EPHA3: variants seen among roughly 807,000 people sequenced by gnomAD.
EPHA3 encodes ephrin type-A receptor 3.
Under a neutral mutation model 107.1 loss-of-function variants are expected in EPHA3, and 42 were observed. That is an observed-to-expected ratio of 0.39 (90% CI 0.31 to 0.51). The LOEUF (loss-of-function observed/expected upper bound fraction) is 0.51, where lower values mean the gene tolerates loss of function less well. EPHA3 is among the 20% of genes least tolerant of loss of function. The probability of loss-of-function intolerance (pLI) is 0.78; values close to 1 mark genes in which losing one functional copy is unlikely to be tolerated. For missense variants in EPHA3, 1,183 were observed against 1,211.2 expected (o/e 0.98, Z 0.35); for synonymous variants, 461 against 424.8 (o/e 1.09, Z -1.05).
Position 89,406,077 on chromosome 3 carries a change from C to T in EPHA3, c.1595-1192C>T, listed in dbSNP as rs1455459771. On this transcript the variant is annotated intron_variant, in intron 7 of 16. Coordinates refer to ENST00000336596, the MANE Select transcript of EPHA3 (RefSeq NM_005233.6). ...TGTGTGGAAAGCATACAAATAGAGACCAAATTAGGAATTTCTAATTATAAT... is the reference window on the plus strand; with the variant it reads ...TGTGTGGAAAGCATACAAATAGAGATCAAATTAGGAATTTCTAATTATAAT... Among the ~76,000 whole-genome samples, 10 of 152,078 alleles carry T rather than the reference C, an allele frequency of 6.6e-5. No individual in the cohort carries two copies. In the South Asian group the frequency reaches 1.7e-3, roughly 25 times the overall value.
intron 5 of EPHA3, among the ~76,000 whole-genome samples, chr3:89,391,750 G>T (rs546763510): frequency 1.3e-5 from 2 of 151,896 alleles, no homozygotes; most frequent in African/African-American, 4.8e-5. Context: ...ATTCTCTTAA[G>T]AAATATTTCA....
rs1204702314 is a variant in EPHA3 at position 89,480,337 on chromosome 3, T to A, written c.*835T>A. ...AAAAATGAAATCCTTTTCCTGTTCA[T>A]ACACTAACCAAATCTCTCAAATCTG... On this transcript the variant is annotated 3_prime_UTR_variant, in exon 17 of 17. Coordinates refer to ENST00000336596, the MANE Select transcript of EPHA3 (RefSeq NM_005233.6). The A allele has an allele frequency of 4.3e-6, 1 of 233,112 alleles. No individual in the cohort carries two copies. The highest frequency in any genetic ancestry group is 5.6e-5 in the Admixed American group (1 of 17,776). The allele number at this position is 233,112 out of a possible 1,614,324, so 14.4% of individuals were successfully genotyped here. A position where few individuals can be genotyped will look rare whatever the true frequency, so the allele number is the denominator to read the frequency against.
At chr3:89,143,465 T>C (rs1704473624) in intron 2 of EPHA3, among the ~76,000 whole-genome samples, 1 of 151,546 alleles carries the variant, frequency 6.6e-6, no homozygotes, top group South Asian at 2.1e-4. Flanking sequence ...CCAAGTATAC[T>C]AGTGTGTTTT....
chr3:89,435,389 C>T (rs2107541089), intron 13 of EPHA3, among the ~76,000 whole-genome samples: 1 of 149,678 alleles, frequency 6.7e-6, no homozygotes, highest in Admixed American at 6.7e-5. Context: ...CTCTTAAGCT[C>T]AGGAGTTTGA....
chr3:89,123,175 C>T (rs143583949), intron 1 of EPHA3, among the ~76,000 whole-genome samples: 3 of 152,276 alleles, frequency 2.0e-5, no homozygotes, highest in South Asian at 4.1e-4. Context: ...GAGATAGTTT[C>T]GCTCTGTTTC....
At chr3:89,383,283 C>T (rs540077605) in intron 5 of EPHA3, among the ~76,000 whole-genome samples, 1 of 152,054 alleles carries the variant, frequency 6.6e-6, no homozygotes, top group East Asian at 1.9e-4. Flanking sequence ...TCCTTTCTAT[C>T]CTATGCTTGG....
Position 89,210,381 on chromosome 3 carries a change from G to A in EPHA3, c.675G>A (p.Glu225=), listed in dbSNP as rs1403149816. 2 of 1,613,908 alleles carry A rather than the reference G, an allele frequency of 1.2e-6. No homozygotes were observed. Among genetic ancestry groups the A allele is most frequent in the South Asian group, 1.1e-5 (1 of 91,076 alleles). ...TVPMDSQSLV[E]VRGSCVNNSK... ...CCATGGACTCCCAGTCCCTGGTGGA[G>A]GTTAGAGGGTCTTGTGTCAACAATT... Residue 225 remains glutamate (E), a synonymous_variant, in exon 3 of 17, where the codon GAG becomes GAA. Transcript: ENST00000336596.
chr3:89,180,066 G>T (rs185386912), intron 2 of EPHA3, among the ~76,000 whole-genome samples: 61 of 152,076 alleles, frequency 4.0e-4, no homozygotes, highest in African/African-American at 1.3e-3. Flanking sequence ...GTAATCTGTA[G>T]TTGAGGGTGT....
chr3:89,228,290 A>T (rs1344164186), intron 3 of EPHA3, among the ~76,000 whole-genome samples: 1 of 151,956 alleles, frequency 6.6e-6, no homozygotes, highest in African/African-American at 2.4e-5. Context: ...AGAAAACTGA[A>T]TATTGAAGAT....
At chr3:89,125,001 C>T (rs1704062945) in intron 1 of EPHA3, among the ~76,000 whole-genome samples, 1 of 151,790 alleles carries the variant, frequency 6.6e-6, no homozygotes, top group Non-Finnish European at 1.5e-5. Flanking sequence ...TCAGAAGAAA[C>T]GTAAGGATAT....
At position 89,210,189 on chromosome 3, in the gene EPHA3, T is replaced by A. The variant is rs893802480; in HGVS notation, c.483T>A (p.Ile161=). Residue 161 remains isoleucine (I), a synonymous_variant, in exon 3 of 17, where the codon ATT becomes ATA. Transcript: ENST00000336596. Reference sequence around the variant, plus strand: ...CTCAAATGGATCTTGGGGACCGTATTCTGAAGCTCAACACTGAGATTAGAG... The same window carrying A: ...CTCAAATGGATCTTGGGGACCGTATACTGAAGCTCAACACTGAGATTAGAG... The part of the protein sequence containing the change: ...SFTQMDLGDR[I]LKLNTEIREV... The A allele has an allele frequency of 1.2e-6, 2 of 1,613,938 alleles. No individual in the cohort carries two copies. The highest frequency in any genetic ancestry group is 1.7e-5 in the Admixed American group (1 of 59,984).
At chr3:89,192,914 A>G (rs1049241819) in intron 2 of EPHA3, among the ~76,000 whole-genome samples, 1 of 152,100 alleles carries the variant, frequency 6.6e-6, no homozygotes, top group Admixed American at 6.6e-5. Context: ...CAAAATCAAT[A>G]AATAATCACT....
intron 2 of EPHA3, among the ~76,000 whole-genome samples, chr3:89,196,821 A>G (rs1705846697): frequency 6.6e-6 from 1 of 152,132 alleles, no homozygotes; most frequent in Non-Finnish European, 1.5e-5. Flanking sequence ...CATAAATCAC[A>G]TTCAACACTT....
At chr3:89,353,481 C>T (rs966054270) in intron 5 of EPHA3, among the ~76,000 whole-genome samples, 9 of 151,312 alleles carry the variant, frequency 5.9e-5, no homozygotes, top group South Asian at 2.1e-4. Context: ...AAACAAATGA[C>T]GTCTGAATTT....
chr3:89,158,233 C>T (rs1270563012), intron 2 of EPHA3, among the ~76,000 whole-genome samples: 4 of 152,128 alleles, frequency 2.6e-5, no homozygotes, highest in Non-Finnish European at 5.9e-5. Context: ...AACAGCTTGA[C>T]TCCAGAATGT....
chr3:89,221,799 A>G (rs1274427736), intron 3 of EPHA3, among the ~76,000 whole-genome samples: 1 of 152,160 alleles, frequency 6.6e-6, no homozygotes, highest in East Asian at 1.9e-4. Flanking sequence ...TGCTTTTCAT[A>G]ATATAATATG....
intron 3 of EPHA3, among the ~76,000 whole-genome samples, chr3:89,227,262 T>A (rs1576246683): frequency 1.3e-5 from 2 of 152,136 alleles, no homozygotes; most frequent in African/African-American, 4.8e-5. Flanking sequence ...GGCTACAAAA[T>A]GTTTAATCAT....
At chr3:89,362,983 T>G (rs905420881) in intron 5 of EPHA3, among the ~76,000 whole-genome samples, 24 of 151,066 alleles carry the variant, frequency 1.6e-4, no homozygotes, top group African/African-American at 5.8e-4. Context: ...TGATAAGATT[T>G]GTAAGATGAT....
intron 15 of EPHA3, among the ~76,000 whole-genome samples, chr3:89,452,386 G>A (rs954586936): frequency 6.6e-6 from 1 of 151,894 alleles, no homozygotes; most frequent in Admixed American, 6.6e-5. Flanking sequence ...TTTGATAATA[G>A]CCATCCTAAC....
Sources: gnomAD v4.1 joint callset for allele counts (sites outside exome capture counted in the v4.1 genomes callset) on GRCh38, gnomAD v4.1.1 for gene constraint, MANE v1.5 for transcripts, NCBI Gene and HGNC (gene_info 2026-07-23, HGNC 2026-07-21) for gene names.